PPFIBP2: variants seen among roughly 807,000 people sequenced by gnomAD.
PPFIBP2 encodes liprin-beta-2.
In PPFIBP2, 118 loss-of-function variants were observed where a neutral mutation model predicts 118.3. That is an observed-to-expected ratio of 1.00 (90% CI 0.86 to 1.16). PPFIBP2 has a LOEUF of 1.16. Among genes scored for constraint, PPFIBP2 ranks in the 50% most tolerant of loss-of-function variants. PPFIBP2 has a pLI of 0.00. For synonymous variants in PPFIBP2, 414 were observed against 397.4 expected (o/e 1.04, Z -0.50); for missense variants, 1,195 against 1,073.1 (o/e 1.11, Z -1.59).
chr11:7,575,502 G>C (rs72849635), intron 3 of PPFIBP2, among the ~76,000 whole-genome samples: 3,350 of 152,318 alleles, frequency 0.022, 41 homozygotes, highest in Middle Eastern at 0.041. Context: ...CCTCCCAGGA[G>C]AGGGGAGAAT....
At chr11:7,609,911 A>G (rs1013504152) in intron 5 of PPFIBP2, among the ~76,000 whole-genome samples, 3 of 152,214 alleles carry the variant, frequency 2.0e-5, no homozygotes, top group Non-Finnish European at 4.4e-5. Context: ...TTGGCTTTGA[A>G]AAAAATATAT....
intron 4 of PPFIBP2, among the ~76,000 whole-genome samples, chr11:7,595,556 C>A (rs1259659454): frequency 6.6e-6 from 1 of 152,180 alleles, no homozygotes; most frequent in Non-Finnish European, 1.5e-5. Context: ...AAGCTGCTTG[C>A]CAGTAAAGTC....
chr11:7,618,884 AGTT>A (rs1849004456), intron 6 of PPFIBP2, among the ~76,000 whole-genome samples: 1 of 114,366 alleles, frequency 8.7e-6, no homozygotes, highest in African/African-American at 3.8e-5. Flanking sequence ...GCCATCCAGA[AGTT>A]TTTTTTTTTT....
chr11:7,645,336 T>C (rs536383418), intron 17 of PPFIBP2, among the ~76,000 whole-genome samples: 8 of 149,724 alleles, frequency 5.3e-5, no homozygotes, highest in African/African-American at 1.8e-4. Context: ...CTACTTCCCA[T>C]TGTGCCGATT....
chr11:7,619,786 A>C (rs1032182543), intron 6 of PPFIBP2, among the ~76,000 whole-genome samples: 2 of 152,222 alleles, frequency 1.3e-5, no homozygotes, highest in African/African-American at 4.8e-5. Flanking sequence ...AGGCCGTTAG[A>C]TAGATGGATA....
intron 1 of PPFIBP2, among the ~76,000 whole-genome samples, chr11:7,530,739 T>G (rs1850611716): frequency 1.3e-5 from 2 of 152,208 alleles, no homozygotes; most frequent in African/African-American, 4.8e-5. Context: ...AAGCTTGGGC[T>G]CTTTCTGCTG....
chr11:7,651,241 G>A (rs1181512619), intron 22 of PPFIBP2: 5 of 352,862 alleles, frequency 1.4e-5, no homozygotes, highest in Admixed American at 8.3e-5. Flanking sequence ...ACAAGGCGAG[G>A]GAACAGCAGG....
At chr11:7,652,540 A>G (rs1351726235) in intron 23 of PPFIBP2, among the ~76,000 whole-genome samples, 2 of 152,184 alleles carry the variant, frequency 1.3e-5, no homozygotes, top group Non-Finnish European at 2.9e-5. Flanking sequence ...GCAAGACAGG[A>G]AGTATGTCTG....
Position 7,574,855 on chromosome 11 carries a change from C to G in PPFIBP2, c.279+9088C>G, listed in dbSNP as rs186679753. Among the ~76,000 whole-genome samples the G allele has an allele frequency of 3.3e-3, 498 of 152,262 alleles. 5 individuals carry two copies. The highest frequency in any genetic ancestry group is 0.014 in the Middle Eastern group (4 of 294). ...TTGTGATTTTTGAGTTGAATTACAA[C>G]GTAAGTAAAATGTACTTGGTGTTTA... On this transcript the variant is annotated intron_variant, in intron 3 of 23. Coordinates refer to ENST00000299492, the MANE Select transcript of PPFIBP2 (RefSeq NM_003621.5).
At position 7,561,345 on chromosome 11, in the gene PPFIBP2, C is replaced by T. The variant is rs947686138; in HGVS notation, c.65-4208C>T. Among the ~76,000 whole-genome samples the T allele has an allele frequency of 3.3e-5, 5 of 152,264 alleles. No individual in the cohort carries two copies. The East Asian group carries it at 5.8e-4, about 18-fold the overall frequency. On this transcript the variant is annotated intron_variant, in intron 2 of 23. Transcript: ENST00000299492. The stretch of plus-strand genomic sequence containing the variant: ...CCTCCCAAAGTACTAGGATTACAGG[C>T]GTGAGCCACCATGCCTGGCCTACAA...
intron 17 of PPFIBP2, among the ~76,000 whole-genome samples, chr11:7,642,941 C>T (rs1386190165): frequency 6.6e-6 from 1 of 152,194 alleles, no homozygotes; most frequent in African/African-American, 2.4e-5. Context: ...GCTTGCCAAA[C>T]AGGTTTCTAG....
intron 6 of PPFIBP2, among the ~76,000 whole-genome samples, chr11:7,620,714 T>C (rs1192950785): frequency 6.6e-6 from 1 of 152,170 alleles, no homozygotes; most frequent in Non-Finnish European, 1.5e-5. Context: ...GTTCTAAAAC[T>C]AAAAGGAAAG....
At chr11:7,593,104 T>C in intron 3 of PPFIBP2, 28 bp from the exon 4 acceptor site, 1 of 1,605,384 alleles carries the variant, frequency 6.2e-7, no homozygotes, top group Non-Finnish European at 8.5e-7. Context: ...ACCTTTTAAG[T>C]GTATTCTTTT....
chr11:7,540,598 T>G (rs1851675920), intron 1 of PPFIBP2, among the ~76,000 whole-genome samples: 1 of 152,108 alleles, frequency 6.6e-6, no homozygotes, highest in South Asian at 2.1e-4. Context: ...GTCCCCACTA[T>G]CTCCCAGGCT....
chr11:7,597,655 T>C lies in PPFIBP2; in HGVS notation c.468T>C (p.Ala156=). ...GACACCAGGTGAAACTCAATGCTGC[T>C]GAAGAGATGCTTCAACAGGTAAGGG... The part of the protein sequence containing the change: ...LEGHQVKLNA[A]EEMLQQELLS... The change falls in exon 5 of 24, where the codon GCT becomes GCC. Residue 156 remains alanine, a synonymous_variant. Transcript: ENST00000299492. 6.2e-7 allele frequency: 1 copy of C among 1,614,062 alleles called. No homozygotes were observed. Among genetic ancestry groups the C allele is most frequent in the Non-Finnish European group, 8.5e-7 (1 of 1,179,980 alleles).
At chr11:7,568,500 C>A (rs1267867393) in intron 3 of PPFIBP2, among the ~76,000 whole-genome samples, 1 of 152,170 alleles carries the variant, frequency 6.6e-6, no homozygotes, top group African/African-American at 2.4e-5. Context: ...CTGCAACCCC[C>A]TAGCAGACTT....
At chr11:7,635,269 T>C (rs1851305744) in intron 13 of PPFIBP2, among the ~76,000 whole-genome samples, 1 of 152,168 alleles carries the variant, frequency 6.6e-6, no homozygotes, top group South Asian at 2.1e-4. Context: ...CCATAAAGGC[T>C]GAAGTCTGCA....
At chr11:7,520,644 C>T (rs1849673289) in intron 1 of PPFIBP2, among the ~76,000 whole-genome samples, 1 of 152,132 alleles carries the variant, frequency 6.6e-6, no homozygotes, top group African/African-American at 2.4e-5. Flanking sequence ...TTCCATTCTA[C>T]AGCCTGTTCA....
intron 9 of PPFIBP2, among the ~76,000 whole-genome samples, chr11:7,628,802 C>T (rs1850366109): frequency 6.6e-6 from 1 of 152,198 alleles, no homozygotes; most frequent in Non-Finnish European, 1.5e-5. Context: ...ATAGCCACCT[C>T]TATAAATAAA....
Sources: allele counts gnomAD v4.1 joint callset (sites outside exome capture counted in the v4.1 genomes callset), GRCh38; gene constraint gnomAD v4.1.1; transcripts MANE v1.5; gene names NCBI Gene and HGNC (gene_info 2026-07-23, HGNC 2026-07-21).